Variants in FILIP1L observed in about 807,000 individuals in gnomAD.
FILIP1L encodes filamin A-interacting protein 1-like.
Under a neutral mutation model 96.6 loss-of-function variants are expected in FILIP1L, and 55 were observed. That is an observed-to-expected ratio of 0.57 (90% CI 0.46 to 0.71). FILIP1L has a LOEUF of 0.71. FILIP1L is among the 30% of genes least tolerant of loss of function. FILIP1L has a pLI of 0.00. For missense variants in FILIP1L, 1,304 were observed against 1,321.2 expected, an observed-to-expected ratio of 0.99 and a Z score of 0.20; for synonymous variants, 467 against 473.9, an observed-to-expected ratio of 0.99 and a Z score of 0.19.
chr3:99,905,111 A>T (rs760558629), intron 4 of FILIP1L, among the ~76,000 whole-genome samples: 5 of 152,150 alleles, frequency 3.3e-5, no homozygotes, highest in African/African-American at 4.8e-5. Context: ...TTTCTGTTTC[A>T]TAGACTGCTT....
chr3:99,941,785 AAAAT>A (rs1260469875), intron 1 of FILIP1L, among the ~76,000 whole-genome samples: 2 of 152,236 alleles, frequency 1.3e-5, no homozygotes, highest in Non-Finnish European at 2.9e-5. Context: ...AAATTTGGAA[AAAAT>A]ATATTGATTT....
chr3:99,995,732 C>T (rs1474537983), intron 1 of FILIP1L, among the ~76,000 whole-genome samples: 3 of 152,234 alleles, frequency 2.0e-5, no homozygotes, highest in Non-Finnish European at 4.4e-5. Context: ...ACAGGTTCAA[C>T]ACCACGTGGA....
chr3:99,935,636 C>G (rs949089282), intron 1 of FILIP1L, among the ~76,000 whole-genome samples: 1 of 152,206 alleles, frequency 6.6e-6, no homozygotes, highest in Non-Finnish European at 1.5e-5. Context: ...CCTGATGGAT[C>G]CCGTGATAGC....
chr3:100,043,627 C>T (rs1244200912), intron 1 of FILIP1L, among the ~76,000 whole-genome samples: 1 of 152,190 alleles, frequency 6.6e-6, no homozygotes, highest in Non-Finnish European at 1.5e-5. Flanking sequence ...GAGAAATTTA[C>T]ATCCCTGGAA....
At chr3:100,042,292 T>C (rs1002326114) in intron 1 of FILIP1L, among the ~76,000 whole-genome samples, 5 of 152,178 alleles carry the variant, frequency 3.3e-5, no homozygotes, top group Non-Finnish European at 7.3e-5. Context: ...AATGTCAATA[T>C]AAACTTGATT....
At chr3:100,066,347 T>C (rs1408120868) in intron 1 of FILIP1L, among the ~76,000 whole-genome samples, 1 of 152,188 alleles carries the variant, frequency 6.6e-6, no homozygotes, top group African/African-American at 2.4e-5. Context: ...CACTTTTTTA[T>C]TTCTCCAGGG....
At chr3:100,055,722 AT>A (rs1321687337) in intron 1 of FILIP1L, among the ~76,000 whole-genome samples, 1 of 152,134 alleles carries the variant, frequency 6.6e-6, no homozygotes, top group African/African-American at 2.4e-5. Context: ...GAGGAGAGTA[AT>A]TTTTGTGATT....
chr3:99,917,954 CTTGT>C (rs1054448142), intron 4 of FILIP1L, among the ~76,000 whole-genome samples: 6 of 151,966 alleles, frequency 3.9e-5, no homozygotes, highest in South Asian at 4.2e-4. Context: ...ATGCCCTGCC[CTTGT>C]TTGTTTGTTT....
intron 4 of FILIP1L, among the ~76,000 whole-genome samples, chr3:99,902,737 A>G (rs1218656296): frequency 6.6e-6 from 1 of 152,214 alleles, no homozygotes; most frequent in Admixed American, 6.5e-5. Context: ...AGGCATATCC[A>G]TGTTATGCTT....
chr3:99,984,839 T>C (rs970932024), intron 1 of FILIP1L, among the ~76,000 whole-genome samples: 4 of 152,216 alleles, frequency 2.6e-5, no homozygotes, highest in African/African-American at 9.6e-5. Flanking sequence ...GTACATTCTT[T>C]GTTGCCAAAC....
intron 1 of FILIP1L, among the ~76,000 whole-genome samples, chr3:100,036,845 G>C (rs926923763): frequency 6.6e-6 from 1 of 152,162 alleles, no homozygotes; most frequent in Admixed American, 6.5e-5. Context: ...TTGACATCTT[G>C]TGCTTCTTGA....
chr3:99,966,155 T>C (rs1708645184), intron 1 of FILIP1L, among the ~76,000 whole-genome samples: 1 of 152,164 alleles, frequency 6.6e-6, no homozygotes, highest in Non-Finnish European at 1.5e-5. Flanking sequence ...TGTTCACAAC[T>C]TGTAGGTGAG....
chr3:99,885,850 G>A (rs1293271815), intron 4 of FILIP1L, among the ~76,000 whole-genome samples: 1 of 152,066 alleles, frequency 6.6e-6, no homozygotes, highest in Admixed American at 6.6e-5. Flanking sequence ...AAGAAATGAA[G>A]AACAATACAG....
At chr3:99,890,332 G>A (rs1706042822) in intron 4 of FILIP1L, among the ~76,000 whole-genome samples, 1 of 152,088 alleles carries the variant, frequency 6.6e-6, no homozygotes, top group East Asian at 1.9e-4. Context: ...CTTAAATGCA[G>A]ATTTCTTTTA....
chr3:99,901,741 A>G (rs1706444643), intron 4 of FILIP1L, among the ~76,000 whole-genome samples: 1 of 152,188 alleles, frequency 6.6e-6, no homozygotes, highest in Admixed American at 6.5e-5. Flanking sequence ...GATGTAAGTA[A>G]TGGGTAAGGT....
rs568367475 is a variant in FILIP1L at position 100,045,298 on chromosome 3, A to G, written c.-11+68755T>C. On this transcript the variant is annotated intron_variant, in intron 1 of 5. Transcript: ENST00000477258. ...GTATCTAGCTCATAGTAAGCACTCA[A>G]TATATGGTAATTGCCATTATTACTA... 5.9e-5 allele frequency among the ~76,000 whole-genome samples: 9 copies of G among 152,378 alleles called. No individual in the cohort carries two copies. The East Asian group carries it at 7.7e-4, about 13-fold the overall frequency.
chr3:100,065,504 C>G (rs1024111951), intron 1 of FILIP1L, among the ~76,000 whole-genome samples: 1 of 152,148 alleles, frequency 6.6e-6, no homozygotes, highest in South Asian at 2.1e-4. Context: ...CCCGTGGCTG[C>G]CTCATCCTAG....
intron 1 of FILIP1L, among the ~76,000 whole-genome samples, chr3:99,976,543 A>T (rs1708976947): frequency 1.3e-5 from 2 of 152,086 alleles, no homozygotes; most frequent in Admixed American, 1.3e-4. Context: ...TTTTTCTTTC[A>T]CCACATTGAA....
chr3:99,983,474 A>ATGTG (rs1709223763), intron 1 of FILIP1L, among the ~76,000 whole-genome samples: 1 of 16,706 alleles, frequency 6.0e-5, no homozygotes, highest in African/African-American at 2.1e-4. Context: ...GTATATATAT[A>ATGTG]TATATATATA....
Sources: gnomAD v4.1 joint callset for allele counts (sites outside exome capture counted in the v4.1 genomes callset) on GRCh38, gnomAD v4.1.1 for gene constraint, MANE v1.5 for transcripts, NCBI Gene and HGNC (gene_info 2026-07-23, HGNC 2026-07-21) for gene names.